Variants in DISC1 observed in about 807,000 individuals in gnomAD.
DISC1 encodes the protein disrupted in schizophrenia 1 protein.
DISC1 carries 57 observed loss-of-function variants against 84.5 expected under a neutral mutation model. The observed-to-expected ratio is 0.67, with a 90% CI of 0.55 to 0.84. The LOEUF (loss-of-function observed/expected upper bound fraction) is 0.84. DISC1 is among the 40% of genes least tolerant of loss of function. The pLI is 0.00. For missense variants in DISC1, 1,000 were observed against 1,057.8 expected, an observed-to-expected ratio of 0.95 and a Z score of 0.76; for synonymous variants, 411 against 415.2, an observed-to-expected ratio of 0.99 and a Z score of 0.12.
At chr1:231,722,930 C>A (rs779018652) in intron 3 of DISC1, 4 of 1,259,462 alleles carry the variant, frequency 3.2e-6, no homozygotes, top group Non-Finnish European at 4.0e-6. Context: ...GGGGGAGAAA[C>A]CACCCAAAAG....
chr1:232,016,139 G>A (rs1275389441), intron 11 of DISC1, among the ~76,000 whole-genome samples: 1 of 152,288 alleles, frequency 6.6e-6, no homozygotes, highest in Non-Finnish European at 1.5e-5. Flanking sequence ...AGGATTAAAC[G>A]CTGACATTTA....
chr1:231,876,181 G>A (rs2085873916), intron 9 of DISC1, among the ~76,000 whole-genome samples: 1 of 152,168 alleles, frequency 6.6e-6, no homozygotes, highest in African/African-American at 2.4e-5. Flanking sequence ...GATCCTTCAT[G>A]AATAGTTTAG....
Position 231,969,630 on chromosome 1 carries a change from A to G in DISC1, c.2042+10742A>G, listed in dbSNP as rs568424789. On this transcript the variant is annotated intron_variant, in intron 10 of 12. Transcript: ENST00000439617. ...TTTTTTTTATTATACTTTAAGTTCT[A>G]GGGTACGTGTGCACAACTTGCAGGT... 3.2e-3 allele frequency among the ~76,000 whole-genome samples: 472 copies of G among 146,494 alleles called. 4 individuals carry two copies. The highest frequency in any genetic ancestry group is 0.011 in the African/African-American group (443 of 39,340).
At chr1:231,731,264 G>A (rs2071476485) in intron 3 of DISC1, among the ~76,000 whole-genome samples, 1 of 152,248 alleles carries the variant, frequency 6.6e-6, no homozygotes, top group Non-Finnish European at 1.5e-5. Context: ...GGTGGTAGAA[G>A]AAAACAGCTT....
intron 11 of DISC1, among the ~76,000 whole-genome samples, chr1:232,016,465 T>A (rs774578381): frequency 1.3e-5 from 2 of 152,212 alleles, no homozygotes; most frequent in Non-Finnish European, 2.9e-5. Context: ...TCATTTTGGA[T>A]TCAAATGGAT....
chr1:231,760,056 T>G (rs984970120), intron 4 of DISC1, among the ~76,000 whole-genome samples: 3 of 152,210 alleles, frequency 2.0e-5, no homozygotes, highest in Non-Finnish European at 4.4e-5. Context: ...CAGATAAATA[T>G]TCATGTGCCT....
At chr1:231,845,911 C>T (rs957789533) in intron 9 of DISC1, among the ~76,000 whole-genome samples, 31 of 151,946 alleles carry the variant, frequency 2.0e-4, no homozygotes, top group Non-Finnish European at 3.4e-4. Context: ...GACCCAGAAG[C>T]CCAGGTGTCG....
At chr1:231,851,886 G>A (rs1474833026) in intron 9 of DISC1, among the ~76,000 whole-genome samples, 1 of 152,108 alleles carries the variant, frequency 6.6e-6, no homozygotes, top group Non-Finnish European at 1.5e-5. Flanking sequence ...GGAAAGGAGG[G>A]AGCAAAGTGT....
intron 1 of DISC1, among the ~76,000 whole-genome samples, chr1:231,628,347 C>T (rs1456634221): frequency 6.6e-6 from 1 of 152,122 alleles, no homozygotes; most frequent in Non-Finnish European, 1.5e-5. Context: ...TTGTACTGAT[C>T]GCATTGCCTG....
chr1:231,714,770 T>A (rs574321774), intron 3 of DISC1, among the ~76,000 whole-genome samples: 1 of 152,156 alleles, frequency 6.6e-6, no homozygotes, highest in East Asian at 1.9e-4. Flanking sequence ...TGGAGGAGTC[T>A]CTTTCACACA....
chr1:231,908,527 T>C lies in DISC1; in HGVS notation c.1982-50301T>C, dbSNP rs144514269. Among the ~76,000 whole-genome samples, 1,436 of 152,322 alleles carry C rather than the reference T, an allele frequency of 9.4e-3. 26 individuals carry two copies. The highest frequency in any genetic ancestry group is 0.032 in the African/African-American group (1,339 of 41,564). On this transcript the variant is annotated intron_variant, in intron 9 of 12. Coordinates refer to ENST00000439617, the MANE Select transcript of DISC1 (RefSeq NM_018662.3). ...TTCTGAGGGCTCTGTTCTGTTCCAT[T>C]GGTCTATATCTCTGTTTTGATATCA...
In DISC1 at chr1:232,038,908, C is replaced by T. The variant is rs1670669682; in HGVS notation, c.*2077C>T. 6.6e-6 allele frequency: 1 copy of T among 152,194 alleles called. No homozygotes were observed. The highest frequency in any genetic ancestry group is 2.4e-5 in the African/African-American group (1 of 41,444). The allele number at this position is 152,194 out of a possible 1,614,324, so 9.4% of individuals were successfully genotyped here. A position where few individuals can be genotyped will look rare whatever the true frequency, so the allele number is the denominator to read the frequency against. On this transcript the variant is annotated 3_prime_UTR_variant, in exon 13 of 13. Coordinates refer to ENST00000439617, the MANE Select transcript of DISC1 (RefSeq NM_018662.3). ...GGCATCTGGTGCTTTGCTCAGCCTT[C>T]CATGCTGTGCAGCACTTCTGTCCTC... is the stretch of plus-strand genomic sequence containing the variant.
At chr1:231,672,122 G>T (rs1193390106) in intron 1 of DISC1, among the ~76,000 whole-genome samples, 1 of 152,128 alleles carries the variant, frequency 6.6e-6, no homozygotes, top group African/African-American at 2.4e-5. Flanking sequence ...TAACTGGCTG[G>T]CTAGTCTGTG....
chr1:231,987,080 C>T (rs572030222), intron 10 of DISC1, among the ~76,000 whole-genome samples: 22 of 152,302 alleles, frequency 1.4e-4, no homozygotes, highest in African/African-American at 5.1e-4. Flanking sequence ...GTTCTCCCTA[C>T]GTCAACTCTG....
At chr1:232,021,766 T>G (rs1230267476) in intron 11 of DISC1, among the ~76,000 whole-genome samples, 1 of 152,224 alleles carries the variant, frequency 6.6e-6, no homozygotes, top group Non-Finnish European at 1.5e-5. Context: ...ATTTATGATA[T>G]TCGTGGATCT....
At chr1:231,634,381 C>T (rs1213159035) in intron 1 of DISC1, among the ~76,000 whole-genome samples, 1 of 152,112 alleles carries the variant, frequency 6.6e-6, no homozygotes, top group African/African-American at 2.4e-5. Context: ...TCTAATATTT[C>T]TGCTACACTG....
intron 9 of DISC1, among the ~76,000 whole-genome samples, chr1:231,854,222 A>T (rs747386244): frequency 6.6e-6 from 1 of 152,040 alleles, no homozygotes; most frequent in Non-Finnish European, 1.5e-5. Context: ...AGTCATTCTA[A>T]TTTTTTTCTC....
At chr1:231,680,672 A>C (rs1164914399) in intron 1 of DISC1, among the ~76,000 whole-genome samples, 1 of 152,248 alleles carries the variant, frequency 6.6e-6, no homozygotes, top group African/African-American at 2.4e-5. Context: ...GTGGGCTTAC[A>C]TCTGAGTATT....
At chr1:231,882,517 TCTC>T (rs1463925620) in intron 9 of DISC1, among the ~76,000 whole-genome samples, 7 of 152,186 alleles carry the variant, frequency 4.6e-5, no homozygotes, top group Admixed American at 4.6e-4. Flanking sequence ...TTGTCTCACT[TCTC>T]CTTACATAAA....
Sources: gnomAD v4.1 joint callset for allele counts (sites outside exome capture counted in the v4.1 genomes callset) on GRCh38, gnomAD v4.1.1 for gene constraint, MANE v1.5 for transcripts, NCBI Gene and HGNC (gene_info 2026-07-23, HGNC 2026-07-21) for gene names.